KHDRBS1: variants seen among roughly 807,000 people sequenced by gnomAD.
The protein encoded by KHDRBS1 is KH domain-containing, RNA-binding, signal transduction-associated protein 1.
In KHDRBS1, 7 loss-of-function variants were observed where a neutral mutation model predicts 48.4. The ratio of observed to expected loss-of-function variants is 0.14; its 90% CI spans 0.08 to 0.27. KHDRBS1 has a LOEUF of 0.27. KHDRBS1 is among the 10% of genes least tolerant of loss of function. The probability of loss-of-function intolerance (pLI) is 1.00; values close to 1 mark genes in which losing one functional copy is unlikely to be tolerated. For synonymous variants in KHDRBS1, 241 were observed against 235.8 expected, an observed-to-expected ratio of 1.02 and a Z score of -0.20; for missense variants, 458 against 601.2, an observed-to-expected ratio of 0.76 and a Z score of 2.49.
At chr1:32,025,931 T>TATATATATATATATATATATATA (rs1557892025) in intron 1 of KHDRBS1, among the ~76,000 whole-genome samples, 8 of 144,262 alleles carry the variant, frequency 5.5e-5, no homozygotes, top group African/African-American at 2.1e-4. Context: ...ATATATATAT[T>TATATATATATATATATATATATA]TATTTATTTA....
chr1:32,046,146 T>A (rs2124395011), downstream of KHDRBS1, among the ~76,000 whole-genome samples: 2 of 152,248 alleles, frequency 1.3e-5, no homozygotes, highest in South Asian at 4.1e-4. Flanking sequence ...GTCATCTTAA[T>A]CCTATACTAT....
chr1:32,036,806 G>GCT, intron 4 of KHDRBS1, 104 bp from the exon 5 acceptor site: 5 of 1,247,760 alleles, frequency 4.0e-6, no homozygotes, highest in Non-Finnish European at 5.5e-6. Flanking sequence ...CCTCATCTGG[G>GCT]CTCTCAAGAG....
chr1:32,054,075 A>C (rs1361101981), intron 10 of KHDRBS1, among the ~76,000 whole-genome samples: 1 of 151,112 alleles, frequency 6.6e-6, no homozygotes, highest in East Asian at 1.9e-4. Context: ...ACTGCATCTC[A>C]AAAAAAAACA....
intron 1 of KHDRBS1, among the ~76,000 whole-genome samples, chr1:32,028,160 T>C (rs1639011269): frequency 6.6e-6 from 1 of 152,130 alleles, no homozygotes; most frequent in Non-Finnish European, 1.5e-5. Context: ...GGGTATAGAT[T>C]TGTGGAACGT....
intron 1 of KHDRBS1, among the ~76,000 whole-genome samples, chr1:32,020,633 AG>A (rs926279648): frequency 2.0e-5 from 3 of 151,116 alleles, no homozygotes; most frequent in African/African-American, 2.4e-5. Flanking sequence ...AAAAAAAAAA[AG>A]GAACTGTTAA....
chr1:32,030,810 G>C (rs1639066777), intron 2 of KHDRBS1, among the ~76,000 whole-genome samples: 1 of 149,756 alleles, frequency 6.7e-6, no homozygotes, highest in Non-Finnish European at 1.5e-5. Flanking sequence ...CTTACTAAAA[G>C]TTTACTTTTA....
At chr1:32,036,804 G>A in intron 4 of KHDRBS1, 106 bp from the exon 5 acceptor site, 1 of 1,231,918 alleles carries the variant, frequency 8.1e-7, no homozygotes, top group African/African-American at 1.5e-5. Context: ...GACCTCATCT[G>A]GGCTCTCAAG....
chr1:32,033,363 G>T (rs1386990889), intron 4 of KHDRBS1, 29 bp downstream of exon 4: 2 of 1,610,720 alleles, frequency 1.2e-6, no homozygotes, highest in Non-Finnish European at 1.7e-6. Context: ...TGTGTCTTCT[G>T]AGCAAAAGAG....
intron 10 of KHDRBS1, among the ~76,000 whole-genome samples, chr1:32,058,244 C>G (rs1639504135): frequency 6.6e-6 from 1 of 152,118 alleles, no homozygotes; most frequent in Non-Finnish European, 1.5e-5. Context: ...TGGGCCACTG[C>G]ACCCAGCTTA....
intron 10 of KHDRBS1, chr1:32,052,313 T>G (rs1639431425): frequency 6.6e-6 from 1 of 151,900 alleles, no homozygotes; most frequent in Non-Finnish European, 1.5e-5. Flanking sequence ...AAATTGTGTC[T>G]TTAAGTGCTG....
chr1:32,018,372 G>C (rs57325965), intron 1 of KHDRBS1, among the ~76,000 whole-genome samples: 1 of 152,030 alleles, frequency 6.6e-6, no homozygotes, highest in African/African-American at 2.4e-5. Flanking sequence ...AAGGCAGGAA[G>C]ATCATTTGAA....
Position 32,013,946 on chromosome 1 carries a change from C to G in KHDRBS1, c.-50C>G. 7.2e-7 allele frequency: 1 copy of G among 1,387,176 alleles called. No homozygotes were observed. The allele number at this position is 1,387,176 out of a possible 1,614,324, so 85.9% of individuals were successfully genotyped here. A position where few individuals can be genotyped will look rare whatever the true frequency, so the allele number is the denominator to read the frequency against. Reference sequence around the variant, plus strand: ...CCCCCGCCAACCGCCGCTCGGGCCTCCGTCGCTGCCGCGTCGCTTTCTCGC... The same window carrying G: ...CCCCCGCCAACCGCCGCTCGGGCCTGCGTCGCTGCCGCGTCGCTTTCTCGC... On this transcript the variant is annotated 5_prime_UTR_variant, in exon 1 of 9. Transcript: ENST00000327300.
chr1:32,038,950 A>G (rs1395138556), intron 7 of KHDRBS1, among the ~76,000 whole-genome samples: 1 of 152,222 alleles, frequency 6.6e-6, no homozygotes, highest in African/African-American at 2.4e-5. Context: ...GAGAGTAACA[A>G]ATGAAAAATT....
intron 1 of KHDRBS1, among the ~76,000 whole-genome samples, chr1:32,017,986 A>G (rs1053334619): frequency 2.0e-5 from 3 of 152,182 alleles, no homozygotes; most frequent in African/African-American, 7.2e-5. Context: ...TAGATTAGCA[A>G]TCTGCAAAAG....
chr1:32,030,681 A>G (rs965316685), intron 2 of KHDRBS1, among the ~76,000 whole-genome samples: 4 of 152,198 alleles, frequency 2.6e-5, no homozygotes, highest in Non-Finnish European at 5.9e-5. Context: ...TCAGGCTACA[A>G]GTTCAAAGAA....
chr1:32,034,105 T>A (rs142199777), intron 4 of KHDRBS1, among the ~76,000 whole-genome samples: 1 of 152,338 alleles, frequency 6.6e-6, no homozygotes, highest in African/African-American at 2.4e-5. Context: ...TGGAGACTTA[T>A]GAAGGATTTG....
chr1:32,027,986 G>T (rs1017427975), intron 1 of KHDRBS1, among the ~76,000 whole-genome samples: 1 of 152,108 alleles, frequency 6.6e-6, no homozygotes, highest in Non-Finnish European at 1.5e-5. Flanking sequence ...GCATAGTGGC[G>T]CATGCCTGTA....
At position 32,014,170 on chromosome 1, in the gene KHDRBS1, C is replaced by T. The variant is rs1638685817; in HGVS notation, c.175C>T (p.Pro59Ser). The T allele has an allele frequency of 2.3e-6, 3 of 1,309,060 alleles. No individual in the cohort carries two copies. The highest frequency in any genetic ancestry group is 2.4e-5 in the South Asian group (1 of 41,276). 81.1% of individuals were successfully genotyped at this position (1,309,060 alleles called of 1,614,324 possible). ...ATCCCGCGGGGGCGCCCGGGCCTCGCCCGCCACGCAGCCGCCACCGCTGCT... is the reference window on the plus strand; with the variant it reads ...ATCCCGCGGGGGCGCCCGGGCCTCGTCCGCCACGCAGCCGCCACCGCTGCT... ...GGSRGGARAS[P>S]ATQPPPLLPP... is the part of the protein sequence containing the mutation. Residue 59 changes from proline (P) to serine (S), a missense_variant, in exon 1 of 9, where the codon CCC becomes TCC. This residue lies in a region of KHDRBS1 where 213 missense variants were observed against 215.6 expected (regional missense o/e 0.99). Transcript: ENST00000327300.
chr1:32,046,186 C>A (rs1374933024), downstream of KHDRBS1, among the ~76,000 whole-genome samples: 2 of 140,860 alleles, frequency 1.4e-5, no homozygotes, highest in East Asian at 4.1e-4. Context: ...AAGGGTATTT[C>A]TTTTTTTTTT....
Sources: gnomAD v4.1 joint callset for allele counts (sites outside exome capture counted in the v4.1 genomes callset) on GRCh38, gnomAD v4.1.1 for gene constraint, gnomAD v4.1.1 regional missense constraint, MANE v1.5 for transcripts, NCBI Gene and HGNC (gene_info 2026-07-23, HGNC 2026-07-21) for gene names.